The following ROR1 variants were observed in gnomAD, a reference collection of about 807,000 sequenced individuals.
The protein encoded by ROR1 is ROR family WNT receptor 1, also known as inactive tyrosine-protein kinase transmembrane receptor ROR1.
A neutral mutation model predicts 78.8 loss-of-function variants in ROR1; 19 were observed. The observed-to-expected ratio is 0.24, with a 90% CI of 0.17 to 0.35. The LOEUF (loss-of-function observed/expected upper bound fraction) is 0.35, where lower values mean the gene tolerates loss of function less well. Among genes scored for constraint, ROR1 ranks in the 10% least tolerant of loss-of-function variants. The probability of loss-of-function intolerance (pLI) is 1.00; values close to 1 mark genes in which losing one functional copy is unlikely to be tolerated. For synonymous variants in ROR1, 386 were observed against 433.6 expected (o/e 0.89, Z 1.36); for missense variants, 917 against 1,177.8 (o/e 0.78, Z 3.24).
chr1:64,066,281 A>T (rs1415891882), intron 4 of ROR1, among the ~76,000 whole-genome samples: 6 of 152,062 alleles, frequency 3.9e-5, no homozygotes, highest in African/African-American at 1.5e-4. Flanking sequence ...TGTCCACTAG[A>T]AACATCATAC....
chr1:63,935,875 C>T (rs1645790115), intron 1 of ROR1, among the ~76,000 whole-genome samples: 1 of 152,172 alleles, frequency 6.6e-6, no homozygotes, highest in African/African-American at 2.4e-5. Flanking sequence ...ATTACAGGAA[C>T]ATCCACACTT....
chr1:64,038,053 AT>A (rs1646717155), intron 2 of ROR1, among the ~76,000 whole-genome samples: 1 of 151,954 alleles, frequency 6.6e-6, no homozygotes, highest in South Asian at 2.1e-4. Context: ...TGTTCTGATT[AT>A]TTTCATATGT....
intron 4 of ROR1, chr1:64,110,978 G>A (rs957080689): frequency 8.6e-5 from 13 of 151,832 alleles, no homozygotes; most frequent in African/African-American, 1.9e-4. Flanking sequence ...GGGGTGAAGC[G>A]GGGAGGGAGA....
intron 1 of ROR1, among the ~76,000 whole-genome samples, chr1:63,912,818 G>A (rs1374735832): frequency 2.6e-5 from 4 of 152,140 alleles, no homozygotes; most frequent in African/African-American, 9.7e-5. Context: ...GCCACGGAAG[G>A]GCAGAGGAGG....
intron 2 of ROR1, among the ~76,000 whole-genome samples, chr1:64,014,735 G>A (rs1250975336): frequency 2.9e-3 from 30 of 10,432 alleles, no homozygotes; most frequent in South Asian, 0.015. Context: ...ATACACATAC[G>A]CACACTATAT....
intron 4 of ROR1, chr1:64,105,716 T>C (rs1647771913): frequency 6.6e-6 from 1 of 152,166 alleles, no homozygotes; most frequent in African/African-American, 2.4e-5. Flanking sequence ...GAATAGGAGA[T>C]CATTTCCCGA....
chr1:63,800,040 T>C (rs1009513158), intron 1 of ROR1, among the ~76,000 whole-genome samples: 1 of 152,210 alleles, frequency 6.6e-6, no homozygotes, highest in Admixed American at 6.5e-5. Flanking sequence ...GAAGGCAGGC[T>C]TGTGAATATT....
At chr1:64,037,747 TA>T (rs765133888) in intron 2 of ROR1, among the ~76,000 whole-genome samples, 1 of 152,168 alleles carries the variant, frequency 6.6e-6, no homozygotes, top group Non-Finnish European at 1.5e-5. Context: ...AAAATGCTAA[TA>T]ATTTCTGACC....
chr1:63,922,983 T>G (rs1465789152), intron 1 of ROR1, among the ~76,000 whole-genome samples: 1 of 152,142 alleles, frequency 6.6e-6, no homozygotes, highest in Non-Finnish European at 1.5e-5. Context: ...TTGATTCTAA[T>G]GATAGTAATA....
chr1:64,007,552 C>T (rs918846945), intron 1 of ROR1, among the ~76,000 whole-genome samples: 1 of 152,148 alleles, frequency 6.6e-6, no homozygotes, highest in African/African-American at 2.4e-5. Context: ...CCCGTAAGTA[C>T]TTCTAACAGT....
At chr1:64,024,041 A>G (rs1646587751) in intron 2 of ROR1, among the ~76,000 whole-genome samples, 1 of 152,158 alleles carries the variant, frequency 6.6e-6, no homozygotes, top group Non-Finnish European at 1.5e-5. Context: ...TTGTAAAGAA[A>G]GTGCTTGCTT....
At chr1:64,091,680 A>G (rs528716067) in intron 4 of ROR1, among the ~76,000 whole-genome samples, 15 of 151,900 alleles carry the variant, frequency 9.9e-5, no homozygotes, top group Non-Finnish European at 8.8e-5. Flanking sequence ...ACACTCCCCA[A>G]CTAACCACAG....
chr1:64,178,198 C>T lies in ROR1; in HGVS notation c.2157C>T (p.Pro719=). The change falls in exon 9 of 9, where the codon CCC becomes CCT. Residue 719 remains proline (P), a synonymous_variant. Transcript: ENST00000371079. This position sits in a 1 kb window ranked among gnomAD's most constrained non-coding sequence, Gnocchi z 4.3. ...QLLPCSEDCP[P]RMYSLMTECW... ...TACCATGCTCTGAAGACTGCCCACC[C>T]AGAATGTACAGCCTCATGACAGAGT... The T allele has an allele frequency of 6.2e-7, 1 of 1,614,090 alleles. No individual in the cohort carries two copies. Among genetic ancestry groups the T allele is most frequent in the Non-Finnish European group, 8.5e-7 (1 of 1,180,016 alleles).
At chr1:64,003,343 A>G in intron 1 of ROR1, among the ~76,000 whole-genome samples, 1 of 152,230 alleles carries the variant, frequency 6.6e-6, no homozygotes, top group East Asian at 1.9e-4. Context: ...TTACATGGTT[A>G]AAAAGTGATT....
At chr1:63,815,484 C>CTTTTTTTTTTTTTTT (rs34749985) in intron 1 of ROR1, among the ~76,000 whole-genome samples, 6 of 85,280 alleles carry the variant, frequency 7.0e-5, no homozygotes, top group Non-Finnish European at 1.3e-4. Flanking sequence ...TTTTCTTTTT[C>CTTTTTTTTTTTTTTT]TTTTTTTTTT....
intron 4 of ROR1, among the ~76,000 whole-genome samples, chr1:64,131,323 G>A (rs1252664184): frequency 6.6e-6 from 1 of 152,136 alleles, no homozygotes; most frequent in African/African-American, 2.4e-5. Flanking sequence ...CTGCCATGCT[G>A]TGGGATTGCC....
intron 1 of ROR1, among the ~76,000 whole-genome samples, chr1:63,962,052 G>A (rs539715194): frequency 1.3e-5 from 2 of 152,280 alleles, no homozygotes; most frequent in South Asian, 2.1e-4. Flanking sequence ...TTGAGCCCAG[G>A]AGTTCAAGAC....
intron 1 of ROR1, among the ~76,000 whole-genome samples, chr1:63,891,867 C>T (rs965288147): frequency 2.2e-4 from 34 of 152,268 alleles, no homozygotes; most frequent in African/African-American, 5.8e-4. Flanking sequence ...CATTATACCA[C>T]TGACTTTCTG....
chr1:64,088,374 G>A (rs552943636), intron 4 of ROR1, among the ~76,000 whole-genome samples: 48 of 152,210 alleles, frequency 3.2e-4, no homozygotes, highest in Non-Finnish European at 2.8e-4. Flanking sequence ...CTGGTCCAAG[G>A]ATAGGCAGAT....
Sources: gnomAD v4.1 joint callset for allele counts (sites outside exome capture counted in the v4.1 genomes callset) on GRCh38, gnomAD v4.1.1 for gene constraint, Gnocchi (gnomAD v3.1) non-coding constraint, MANE v1.5 for transcripts, NCBI Gene and HGNC (gene_info 2026-07-23, HGNC 2026-07-21) for gene names.